The following KIFAP3 variants were observed in gnomAD, a reference collection of about 807,000 sequenced individuals.
KIFAP3 encodes kinesin associated protein 3.
In KIFAP3, 68 loss-of-function variants were observed where a neutral mutation model predicts 106.5. The observed-to-expected ratio is 0.64, with a 90% CI of 0.53 to 0.78. The LOEUF is 0.78. Ranked by LOEUF, KIFAP3 falls within the 30% of genes least tolerant of loss-of-function variation. The probability of loss-of-function intolerance (pLI) is 0.00; values close to 1 mark genes in which losing one functional copy is unlikely to be tolerated. For synonymous variants in KIFAP3, 320 were observed against 311.5 expected, an observed-to-expected ratio of 1.03 and a Z score of -0.29; for missense variants, 780 against 941.8, an observed-to-expected ratio of 0.83 and a Z score of 2.25.
At chr1:169,939,379 G>A (rs1312298643) in intron 19 of KIFAP3, among the ~76,000 whole-genome samples, 2 of 152,162 alleles carry the variant, frequency 1.3e-5, no homozygotes, top group African/African-American at 4.8e-5. Flanking sequence ...CTACTAGGTG[G>A]GATGGTGGTG....
At chr1:170,063,470 T>G (rs1361595765) in intron 1 of KIFAP3, among the ~76,000 whole-genome samples, 3 of 152,142 alleles carry the variant, frequency 2.0e-5, no homozygotes, top group African/African-American at 7.2e-5. Flanking sequence ...TCCCATTTCC[T>G]AGCCCTCTGC....
At chr1:170,030,242 T>C (rs145697971) in intron 8 of KIFAP3, among the ~76,000 whole-genome samples, 1 of 151,694 alleles carries the variant, frequency 6.6e-6, no homozygotes. Context: ...TACAAAACTA[T>C]CCAATTTAAT....
At chr1:169,944,668 GA>G (rs1664330824) in intron 19 of KIFAP3, among the ~76,000 whole-genome samples, 1 of 152,182 alleles carries the variant, frequency 6.6e-6, no homozygotes, top group Non-Finnish European at 1.5e-5. Flanking sequence ...TTGAGTGACA[GA>G]ACAGCTCTCA....
chr1:169,926,274 A>G (rs971767830), intron 19 of KIFAP3, among the ~76,000 whole-genome samples: 1 of 152,156 alleles, frequency 6.6e-6, no homozygotes, highest in Non-Finnish European at 1.5e-5. Flanking sequence ...AAGGAGTCCA[A>G]TTCTTCTTTG....
intron 10 of KIFAP3, among the ~76,000 whole-genome samples, chr1:170,000,185 G>A (rs760344986): frequency 1.3e-5 from 2 of 151,984 alleles, no homozygotes; most frequent in African/African-American, 4.8e-5. Flanking sequence ...CCAAATTTCC[G>A]CTTCTGCAGT....
At chr1:169,943,753 CCAA>C (rs1386468142) in intron 19 of KIFAP3, among the ~76,000 whole-genome samples, 1 of 152,048 alleles carries the variant, frequency 6.6e-6, no homozygotes, top group Non-Finnish European at 1.5e-5. Context: ...ATCTGTAAAG[CCAA>C]CAAAAATGCA....
At chr1:170,057,706 A>C (rs1670922331) in intron 1 of KIFAP3, among the ~76,000 whole-genome samples, 1 of 151,968 alleles carries the variant, frequency 6.6e-6, no homozygotes, top group Non-Finnish European at 1.5e-5. Context: ...ATGATGTCAG[A>C]TATTTAACTA....
chr1:170,019,539 C>A (rs2102009798), intron 9 of KIFAP3, among the ~76,000 whole-genome samples: 1 of 152,224 alleles, frequency 6.6e-6, no homozygotes, highest in South Asian at 2.1e-4. Context: ...ATCAATGTAA[C>A]TCACTATATC....
intron 9 of KIFAP3, among the ~76,000 whole-genome samples, chr1:170,019,642 A>G (rs527641686): frequency 6.6e-6 from 1 of 152,298 alleles, no homozygotes; most frequent in East Asian, 1.9e-4. Context: ...TTTAACATCC[A>G]TTCATGATAA....
chr1:170,061,097 C>A (rs1345625204), intron 1 of KIFAP3, among the ~76,000 whole-genome samples: 2 of 152,212 alleles, frequency 1.3e-5, no homozygotes, highest in Non-Finnish European at 2.9e-5. Flanking sequence ...AGGACTCAGG[C>A]ATGGGCAAGG....
chr1:170,011,665 T>TA (rs1668249351), intron 10 of KIFAP3, among the ~76,000 whole-genome samples: 2 of 152,110 alleles, frequency 1.3e-5, no homozygotes, highest in African/African-American at 4.8e-5. Context: ...CGGATTGAGG[T>TA]AAAACAAGTG....
chr1:170,031,808 G>A, intron 8 of KIFAP3, 78 bp downstream of exon 8: 1 of 861,802 alleles, frequency 1.2e-6, no homozygotes, highest in Middle Eastern at 2.3e-4. Flanking sequence ...AGCTTTACAG[G>A]TATGATAAAA....
intron 15 of KIFAP3, among the ~76,000 whole-genome samples, chr1:169,978,841 T>A (rs1558214468): frequency 6.6e-6 from 1 of 152,080 alleles, no homozygotes; most frequent in Non-Finnish European, 1.5e-5. Flanking sequence ...CAACAGAGTA[T>A]CAAACCAGTT....
intron 15 of KIFAP3, among the ~76,000 whole-genome samples, chr1:169,978,672 A>G (rs1666355344): frequency 6.6e-6 from 1 of 152,150 alleles, no homozygotes; most frequent in Non-Finnish European, 1.5e-5. Context: ...AGTAATTTAC[A>G]TAACAGCTGA....
intron 19 of KIFAP3, among the ~76,000 whole-genome samples, chr1:169,932,648 C>T (rs1663554677): frequency 6.6e-6 from 1 of 151,400 alleles, no homozygotes. Flanking sequence ...TAATACTAGT[C>T]TCTCTTATAT....
At chr1:170,050,957 C>T (rs887290573) in intron 2 of KIFAP3, among the ~76,000 whole-genome samples, 9 of 152,072 alleles carry the variant, frequency 5.9e-5, no homozygotes, top group African/African-American at 2.2e-4. Context: ...AACCAGCTAC[C>T]AGCATGATGA....
At chr1:170,076,764 A>G (rs1372372045), upstream of KIFAP3, among the ~76,000 whole-genome samples, 2 of 152,250 alleles carry the variant, frequency 1.3e-5, no homozygotes, top group Non-Finnish European at 2.9e-5. Context: ...CCAATAAACA[A>G]TGGATTCAAA....
At chr1:170,003,752 C>G (rs1328410863) in intron 10 of KIFAP3, among the ~76,000 whole-genome samples, 1 of 152,186 alleles carries the variant, frequency 6.6e-6, no homozygotes, top group Non-Finnish European at 1.5e-5. Flanking sequence ...CAGCCAATAT[C>G]ATACTGAATG....
intron 12 of KIFAP3, among the ~76,000 whole-genome samples, chr1:169,984,032 C>T (rs984996952): frequency 6.6e-6 from 1 of 151,848 alleles, no homozygotes; most frequent in East Asian, 1.9e-4. Context: ...GATATATAGA[C>T]AATCACATTT....
Sources: allele counts gnomAD v4.1 joint callset (sites outside exome capture counted in the v4.1 genomes callset), GRCh38; gene constraint gnomAD v4.1.1; transcripts MANE v1.5; gene names NCBI Gene and HGNC (gene_info 2026-07-23, HGNC 2026-07-21).